CABIN1: variants seen among roughly 807,000 people sequenced by gnomAD.
The protein encoded by CABIN1 is calcineurin-binding protein cabin-1.
A neutral mutation model predicts 227.7 loss-of-function variants in CABIN1; 133 were observed. The observed-to-expected ratio is 0.58, with a 90% CI of 0.51 to 0.67. CABIN1 has a LOEUF of 0.67. CABIN1 is among the 30% of genes least tolerant of loss of function. The probability of loss-of-function intolerance (pLI) is 0.00; values close to 1 mark genes in which losing one functional copy is unlikely to be tolerated. For missense variants in CABIN1, 2,408 were observed against 2,852.5 expected (o/e 0.84, Z 3.55); for synonymous variants, 1,086 against 1,155.1 (o/e 0.94, Z 1.21).
intron 29 of CABIN1, among the ~76,000 whole-genome samples, chr22:24,150,750 T>G (rs2045431172): frequency 6.6e-6 from 1 of 151,916 alleles, no homozygotes; most frequent in Admixed American, 6.6e-5. Flanking sequence ...GGTGGAAGAG[T>G]GCTGGGTTTG....
chr22:24,105,907 C>G (rs1247262185), intron 26 of CABIN1, among the ~76,000 whole-genome samples: 1 of 152,250 alleles, frequency 6.6e-6, no homozygotes, highest in Admixed American at 6.5e-5. Context: ...CCAGCCGGTC[C>G]TCTGAGGGCT....
At chr22:24,079,314 A>C (rs1433795036) in intron 19 of CABIN1, among the ~76,000 whole-genome samples, 2 of 152,136 alleles carry the variant, frequency 1.3e-5, no homozygotes, top group Non-Finnish European at 2.9e-5. Flanking sequence ...ATATGGCATT[A>C]AGGTTGTTTA....
At chr22:24,106,386 G>T (rs1270144550) in intron 26 of CABIN1, among the ~76,000 whole-genome samples, 1 of 152,194 alleles carries the variant, frequency 6.6e-6, no homozygotes, top group Non-Finnish European at 1.5e-5. Flanking sequence ...CCCTCTTCAG[G>T]GGCCTCCCAG....
chr22:24,103,959 C>T (rs2042357966), intron 26 of CABIN1, among the ~76,000 whole-genome samples: 1 of 152,068 alleles, frequency 6.6e-6, no homozygotes, highest in Non-Finnish European at 1.5e-5. Context: ...GGAAGAATTC[C>T]TGGAGAAGGT....
Position 24,059,299 on chromosome 22 carries a change from G to A in CABIN1, c.1335G>A (p.Leu445=). 6.2e-7 allele frequency: 1 copy of A among 1,614,154 alleles called. No homozygotes were observed. Among genetic ancestry groups the A allele is most frequent in the Non-Finnish European group, 8.5e-7 (1 of 1,180,002 alleles). The change falls in exon 11 of 37, where the codon CTG becomes CTA. Residue 445 remains leucine, a synonymous_variant. Transcript: ENST00000263119. Reference sequence around the variant, plus strand: ...ATGAAGTCCAGTCAGAAGCCAAACTGGAAAGCTTCCCAAGCATTGGGCCTC... The same window carrying A: ...ATGAAGTCCAGTCAGAAGCCAAACTAGAAAGCTTCCCAAGCATTGGGCCTC... ...NNYEVQSEAK[L]ESFPSIGPQR...
At chr22:24,098,925 G>A (rs1173267620) in intron 26 of CABIN1, among the ~76,000 whole-genome samples, 5 of 152,108 alleles carry the variant, frequency 3.3e-5, no homozygotes. Context: ...AAGACACCTG[G>A]GCCCTCACTC....
rs1241775778 is a variant in CABIN1, at chr22:24,125,562, G to T, written c.4632+5864G>T. ...ACAGGCAAGTGTTCGGGGGGAGCTG[G>T]TGAGCTTTGAGTTGACACTGACTGA... On this transcript the variant is annotated intron_variant, in intron 28 of 36. Transcript: ENST00000263119. Among the ~76,000 whole-genome samples, 13 of 152,350 alleles carry T rather than the reference G, an allele frequency of 8.5e-5. 1 individual carries two copies. The Middle Eastern group carries it at 0.014, about 159-fold the overall frequency.
chr22:24,120,541 G>T (rs2043348308), intron 28 of CABIN1, among the ~76,000 whole-genome samples: 1 of 152,170 alleles, frequency 6.6e-6, no homozygotes, highest in African/African-American at 2.4e-5. Flanking sequence ...CATACAGATG[G>T]CCAGGCGTGG....
chr22:24,105,939 A>C (rs2042486942), intron 26 of CABIN1, among the ~76,000 whole-genome samples: 1 of 152,164 alleles, frequency 6.6e-6, no homozygotes, highest in Non-Finnish European at 1.5e-5. Context: ...ATTAGCACAC[A>C]AAGTTGCATG....
chr22:24,114,098 G>C (rs2042954383), intron 27 of CABIN1, among the ~76,000 whole-genome samples: 1 of 151,968 alleles, frequency 6.6e-6, no homozygotes, highest in Non-Finnish European at 1.5e-5. Flanking sequence ...GTTGGTAAAT[G>C]GTTATTTTAA....
intron 1 of CABIN1, chr22:24,011,737 T>C (rs2034829363): frequency 6.6e-6 from 1 of 152,240 alleles, no homozygotes; most frequent in Admixed American, 6.5e-5. Context: ...AGGTGAGTGT[T>C]GTTATTGGTG....
At chr22:24,093,734 C>A (rs2041703900) in intron 24 of CABIN1, among the ~76,000 whole-genome samples, 1 of 151,772 alleles carries the variant, frequency 6.6e-6, no homozygotes, top group Non-Finnish European at 1.5e-5. Context: ...AAAAGATTAA[C>A]AAGGCCTGGT....
intron 6 of CABIN1, among the ~76,000 whole-genome samples, chr22:24,047,894 T>A (rs2038021439): frequency 6.6e-6 from 1 of 152,268 alleles, no homozygotes; most frequent in Non-Finnish European, 1.5e-5. Context: ...GCTGGCACCC[T>A]GCTGCAGTGT....
intron 28 of CABIN1, among the ~76,000 whole-genome samples, chr22:24,128,902 T>G (rs1341640785): frequency 6.6e-6 from 1 of 152,180 alleles, no homozygotes; most frequent in East Asian, 1.9e-4. Context: ...GAGCCTGACC[T>G]CTCTGAGCCC....
chr22:24,040,128 C>T (rs1186243039), intron 4 of CABIN1, among the ~76,000 whole-genome samples: 3 of 152,182 alleles, frequency 2.0e-5, no homozygotes, highest in Non-Finnish European at 4.4e-5. Flanking sequence ...AAATTTGTTC[C>T]CACTATTCTT....
At chr22:24,076,072 C>A in intron 18 of CABIN1, 97 bp from the exon 19 acceptor site, 3 of 759,014 alleles carry the variant, frequency 4.0e-6, no homozygotes, top group Non-Finnish European at 6.9e-6. Context: ...TTGATAAAGA[C>A]AGAAAAGCCC....
chr22:24,063,513 T>G (rs1457771945), intron 14 of CABIN1, among the ~76,000 whole-genome samples: 2 of 152,110 alleles, frequency 1.3e-5, no homozygotes, highest in African/African-American at 4.8e-5. Context: ...GATACAGAGC[T>G]TTCTAGGAGG....
chr22:24,064,107 G>A lies in CABIN1; in HGVS notation c.1957G>A (p.Val653Met), dbSNP rs759574277. 49 of 1,614,060 alleles carry A rather than the reference G, an allele frequency of 3.0e-5. No individual in the cohort carries two copies. Among genetic ancestry groups the A allele is most frequent in the South Asian group, 1.3e-4 (12 of 91,088 alleles). ...GCTCCAGAGTTCCACCGCCATCCAG[G>A]TGGAGGCAGGGGCTGAACGAAGAGA... ...EMLQSSTAIQ[V>M]EAGAERRDIV... The change falls in exon 15 of 37, where the codon GTG (valine) becomes ATG (methionine). Residue 653 changes from valine (V) to methionine (M), a missense_variant. Around this residue, in one of 3 missense-constraint regions of CABIN1, gnomAD observed 1,045 missense variants for 1,168.4 expected, o/e 0.89. Transcript: ENST00000263119.
At chr22:24,086,740 A>C (rs1310609763) in intron 22 of CABIN1, among the ~76,000 whole-genome samples, 1 of 152,166 alleles carries the variant, frequency 6.6e-6, no homozygotes, top group Non-Finnish European at 1.5e-5. Flanking sequence ...CTCTGTGGCC[A>C]TTCCTCCTCT....
Sources: gnomAD v4.1 joint callset for allele counts (sites outside exome capture counted in the v4.1 genomes callset) on GRCh38, gnomAD v4.1.1 for gene constraint, gnomAD v4.1.1 regional missense constraint, MANE v1.5 for transcripts, NCBI Gene and HGNC (gene_info 2026-07-23, HGNC 2026-07-21) for gene names.